Variants in GIGYF1 observed in about 807,000 individuals in gnomAD.
The protein encoded by GIGYF1 is GRB10 interacting GYF protein 1.
GIGYF1 carries 84 observed loss-of-function variants against 147.1 expected under a neutral mutation model. The observed-to-expected ratio is 0.57, with a 90% confidence interval of 0.48 to 0.68. The LOEUF is 0.68. Ranked by LOEUF, GIGYF1 falls within the 30% of genes least tolerant of loss-of-function variation. The probability of loss-of-function intolerance (pLI) is 0.00; values close to 1 mark genes in which losing one functional copy is unlikely to be tolerated. For missense variants in GIGYF1, 1,485 were observed against 1,393.7 expected (o/e 1.07, Z -1.04); for synonymous variants, 752 against 589.5 (o/e 1.28, Z -3.99).
At position 100,687,289 on chromosome 7, in the gene GIGYF1, C is replaced by T. The variant is rs542155842; in HGVS notation, c.482+9G>A. 104 of 1,610,576 alleles carry T rather than the reference C, an allele frequency of 6.5e-5. 1 individual carries two copies. In the Middle Eastern group the frequency reaches 1.2e-3, roughly 18 times the overall value. On this transcript the variant is annotated intron_variant, in intron 8 of 26. Transcript: ENST00000678049. ...CCCGGCTCTGCGCCATGCCCCCTCC[C>T]CGCCCCACCTGTCATCCCAGCTCTG...
At chr7:100,692,381 A>G (rs1260655798) in intron 1 of GIGYF1, among the ~76,000 whole-genome samples, 2 of 152,206 alleles carry the variant, frequency 1.3e-5, no homozygotes, top group East Asian at 1.9e-4. Flanking sequence ...CCAGCCAGGG[A>G]AAAGAAGGAG....
At chr7:100,682,547 T>C (rs778522623) in intron 23 of GIGYF1, 43 bp downstream of exon 23, 5 of 1,592,300 alleles carry the variant, frequency 3.1e-6, no homozygotes, top group Non-Finnish European at 8.5e-7. Context: ...TCTGCCACCT[T>C]CCCCCTCAGG....
chr7:100,682,168 G>A lies in GIGYF1; in HGVS notation c.2829C>T (p.Ser943=), dbSNP rs748682959. 1.2e-6 allele frequency: 2 copies of A among 1,613,962 alleles called. No homozygotes were observed. Among genetic ancestry groups the A allele is most frequent in the South Asian group, 1.1e-5 (1 of 91,090 alleles). The change falls in exon 25 of 27, where the codon TCC becomes TCT. Residue 943 remains serine, a synonymous_variant. Transcript: ENST00000678049. ...TGGCTTCCAGCGTGTCCCCCAGGCA[G>A]GAACGGATATAATCGTGGACATCAT... ...SPYDVHDYIR[S]CLGDTLEAKE...
rs1804979574 is a variant in GIGYF1 at position 100,683,334 on chromosome 7, C to T, written c.2163G>A (p.Gln721=). 6.2e-7 allele frequency: 1 copy of T among 1,613,862 alleles called. No individual in the cohort carries two copies. Among genetic ancestry groups the T allele is most frequent in the African/African-American group, 1.3e-5 (1 of 75,074 alleles). Residue 721 remains glutamine (Q), a synonymous_variant, in exon 21 of 27, where the codon CAG becomes CAA. Coordinates refer to ENST00000678049, the MANE Select transcript of GIGYF1 (RefSeq NM_001375765.1). ...QQQQEEQKRR[Q]EEEELFRRKH... is the part of the protein sequence containing the mutation. ...TGCGCCGAAACAGCTCTTCCTCCTC[C>T]TGCCGCCGCTTCTGCTCCTCCTGCT... is the stretch of plus-strand genomic sequence containing the variant.
At chr7:100,682,874 G>A in intron 22 of GIGYF1, 97 bp from the exon 23 acceptor site, 5 of 1,333,226 alleles carry the variant, frequency 3.8e-6, no homozygotes, top group South Asian at 1.5e-5. Flanking sequence ...CAGGTGAGGT[G>A]AGGGCCACAA....
rs1584495890 is a variant in GIGYF1 at position 100,684,461 on chromosome 7, G to A, written c.1618C>T (p.Pro540Ser). Residue 540 changes from proline to serine, a missense_variant, in exon 16 of 27, where the codon CCC becomes TCC. By Grantham distance (74) the Pro-to-Ser change is moderately conservative. Transcript: ENST00000678049. ...GAGAAGCGGCTCACCAGCAGTGGGGGAGGTGAGGGCCCTGGGGCAAAGGGC... is the reference window on the plus strand; with the variant it reads ...GAGAAGCGGCTCACCAGCAGTGGGGAAGGTGAGGGCCCTGGGGCAAAGGGC... ...RVPFAPGPSP[P>S]PLLGNMDQER... 2 of 1,612,824 alleles carry A rather than the reference G, an allele frequency of 1.2e-6. No homozygotes were observed. Among genetic ancestry groups the A allele is most frequent in the African/African-American group, 1.3e-5 (1 of 75,058 alleles).
Position 100,683,233 on chromosome 7 carries a change from AAG to A in GIGYF1, c.2194-5_2194-4del, listed in dbSNP as rs768006572. ...AGCAATAGCTCCTGCTGCCGCACCT[AAG>A]AGGGGGACATGGTGAGGGGACCTGG... On this transcript the variant is annotated splice_region_variant and splice_polypyrimidine_tract_variant and intron_variant, in intron 21 of 26. Coordinates refer to ENST00000678049, the MANE Select transcript of GIGYF1 (RefSeq NM_001375765.1). 6.8e-6 allele frequency: 11 copies of A among 1,612,544 alleles called. No homozygotes were observed. The highest frequency in any genetic ancestry group is 2.2e-5 in the South Asian group (2 of 91,086).
In GIGYF1 at chr7:100,686,811, C is replaced by T; in HGVS notation, c.532G>A (p.Gly178Ser). 1 of 1,613,920 alleles carries T rather than the reference C, an allele frequency of 6.2e-7. No individual in the cohort carries two copies. Among genetic ancestry groups the T allele is most frequent in the Non-Finnish European group, 8.5e-7 (1 of 1,179,938 alleles). The change falls in exon 10 of 27, where the codon GGC becomes AGC. Residue 178 changes from glycine (G) to serine (S), a missense_variant. By Grantham distance (56) the Gly-to-Ser change is moderately conservative. Transcript: ENST00000678049. ...KSARRDGARC[G>S]FEEGGAGPRK... ...GGGCCAGCCCCTCCCTCCTCAAAGC[C>T]ACATCGTGCTGGGAGACGGGAAGAC...
chr7:100,690,408 T>C (rs962261918), intron 1 of GIGYF1, among the ~76,000 whole-genome samples: 3 of 152,014 alleles, frequency 2.0e-5, no homozygotes, highest in African/African-American at 4.8e-5. Context: ...TGTGGGAGGC[T>C]TGAAGAGAGG....
rs367831417 is a variant in GIGYF1, at chr7:100,686,389, G to C, written c.739C>G (p.Arg247Gly). Reference sequence around the variant, plus strand: ...CGCAAATCAAATTCAAACTTGCGCCGCCGTTCCCCATGTTCCCGCCAGCCA... The same window carrying C: ...CGCAAATCAAATTCAAACTTGCGCCCCCGTTCCCCATGTTCCCGCCAGCCA... The part of the protein sequence containing the change: ...SAGWREHGER[R>G]RKFEFDLRGD... The change falls in exon 11 of 27, where the codon CGG (arginine) becomes GGG (glycine). Residue 247 changes from arginine (R) to glycine (G), a missense_variant. Transcript: ENST00000678049. 2.5e-6 allele frequency: 4 copies of C among 1,606,316 alleles called. No individual in the cohort carries two copies. The highest frequency in any genetic ancestry group is 2.5e-6 in the Non-Finnish European group (3 of 1,176,974).
chr7:100,694,186 T>A lies in GIGYF1; in HGVS notation c.-1175A>T, dbSNP rs2131412417. The stretch of plus-strand genomic sequence containing the variant: ...GGGGGCCGGGGACGGCGACGGCGGC[T>A]AGCAGCGGGGGAGGGGGCGCTGGCG... On this transcript the variant is annotated 5_prime_UTR_variant, in exon 1 of 27. Transcript: ENST00000678049. 7.2e-6 allele frequency: 1 copy of A among 139,634 alleles called. No homozygotes were observed. Among genetic ancestry groups the A allele is most frequent in the East Asian group, 2.3e-4 (1 of 4,340 alleles). 8.6% of individuals were successfully genotyped at this position (139,634 alleles called of 1,614,324 possible).
chr7:100,679,931 G>T lies in GIGYF1; in HGVS notation c.*1788C>A, dbSNP rs1402012226. On this transcript the variant is annotated 3_prime_UTR_variant, in exon 27 of 27. Transcript: ENST00000678049. ...CCCTGCATTGGCTGCGGCAGGGGTG[G>T]GGGGGTTACATTCAGTCACAACAGG... The T allele has an allele frequency of 6.6e-6, 1 of 152,442 alleles. No homozygotes were observed. Among genetic ancestry groups the T allele is most frequent in the Non-Finnish European group, 1.5e-5 (1 of 67,998 alleles). The allele number at this position is 152,442 out of a possible 1,614,324, so 9.4% of individuals were successfully genotyped here. A position where few individuals can be genotyped will look rare whatever the true frequency, so the allele number is the denominator to read the frequency against.
Position 100,683,555 on chromosome 7 carries a change from G to C in GIGYF1, c.2047C>G (p.His683Asp). The change falls in exon 20 of 27, where the codon CAT becomes GAT. Residue 683 changes from histidine (H) to aspartate (D), a missense_variant. His to Asp is a moderately conservative substitution (Grantham distance 81). Coordinates refer to ENST00000678049, the MANE Select transcript of GIGYF1 (RefSeq NM_001375765.1). ...GPILEQLQLQ[H>D]KFQERREVEL... ...GCCCCAGGATGCCCACTCACTTTAT[G>C]TTGCAGCTGGAGTTGTTCTAGAATT... 6.2e-7 allele frequency: 1 copy of C among 1,614,178 alleles called. No homozygotes were observed. The highest frequency in any genetic ancestry group is 8.5e-7 in the Non-Finnish European group (1 of 1,179,972).
Position 100,684,290 on chromosome 7 carries a change from C to T in GIGYF1, c.1677G>A (p.Ala559=), listed in dbSNP as rs764927864. 3.2e-5 allele frequency: 51 copies of T among 1,604,844 alleles called. No homozygotes were observed. The highest frequency in any genetic ancestry group is 1.5e-4 in the Admixed American group (9 of 58,678). The change falls in exon 17 of 27, where the codon GCG becomes GCA. Residue 559 remains alanine (A), a synonymous_variant. Transcript: ENST00000678049. ...ERLKKQQELA[A]AALYQQLQHQ... ...GCTGCAGCTGCTGGTACAAGGCCGC[C>T]GCGGCCAGCTCCTGTTGCTTCTTCA...
chr7:100,684,029 T>C lies in GIGYF1; in HGVS notation c.1859A>G (p.Lys620Arg). The C allele has an allele frequency of 6.3e-7, 1 of 1,598,822 alleles. No individual in the cohort carries two copies. Among genetic ancestry groups the C allele is most frequent in the Non-Finnish European group, 8.5e-7 (1 of 1,176,138 alleles). ...TAFLQQLQAL[K>R]PPRGGDQNLL... ...CGCACGCACCACGCACCTGGGGGGTTTGAGCGCCTGGAGCTGCTGCAGGAA... is the reference window on the plus strand; with the variant it reads ...CGCACGCACCACGCACCTGGGGGGTCTGAGCGCCTGGAGCTGCTGCAGGAA... The change falls in exon 18 of 27, where the codon AAA becomes AGA. Residue 620 changes from lysine to arginine, a missense_variant. Lys to Arg is a conservative substitution (Grantham distance 26). Coordinates refer to ENST00000678049, the MANE Select transcript of GIGYF1 (RefSeq NM_001375765.1).
chr7:100,687,747 C>T (rs1407395764), intron 6 of GIGYF1, 41 bp downstream of exon 6: 1 of 1,599,200 alleles, frequency 6.3e-7, no homozygotes, highest in African/African-American at 1.3e-5. Flanking sequence ...ATGGCCTCCC[C>T]TCCCAGGCTC....
Position 100,681,614 on chromosome 7 carries a change from TG to T in GIGYF1, c.*104del. On this transcript the variant is annotated 3_prime_UTR_variant, in exon 27 of 27. Coordinates refer to ENST00000678049, the MANE Select transcript of GIGYF1 (RefSeq NM_001375765.1). ...TAACAAGTGCTGGGGACCCCGCCCC[TG>T]CCTCTTCCTGTGCTCTCTGCGGGGA... The T allele has an allele frequency of 9.2e-7, 1 of 1,090,276 alleles. No individual in the cohort carries two copies. Among genetic ancestry groups the T allele is most frequent in the Non-Finnish European group, 1.3e-6 (1 of 784,072 alleles). The allele number at this position is 1,090,276 out of a possible 1,614,324, so 67.5% of individuals were successfully genotyped here.
At position 100,679,727 on chromosome 7, in the gene GIGYF1, G is replaced by C. The variant is rs767475345; in HGVS notation, c.*1992C>G. The C allele has an allele frequency of 6.5e-6, 1 of 152,736 alleles. No homozygotes were observed. Among genetic ancestry groups the C allele is most frequent in the Non-Finnish European group, 1.5e-5 (1 of 68,234 alleles). The allele number at this position is 152,736 out of a possible 1,614,324, so 9.5% of individuals were successfully genotyped here. On this transcript the variant is annotated 3_prime_UTR_variant, in exon 27 of 27. Transcript: ENST00000678049. The stretch of plus-strand genomic sequence containing the variant: ...GGGGAAGGACAGCAACAGGGTCTGA[G>C]TCCCTGGGCAGGGGGGCTCAGGGGC...
chr7:100,683,488 C>T (rs1804999663), intron 20 of GIGYF1, 44 bp from the exon 21 acceptor site: 2 of 1,613,774 alleles, frequency 1.2e-6, no homozygotes, highest in Non-Finnish European at 1.7e-6. Flanking sequence ...CAGGGGACAG[C>T]CTGGGGCCTG....
Sources: gnomAD v4.1 joint callset for allele counts (sites outside exome capture counted in the v4.1 genomes callset) on GRCh38, gnomAD v4.1.1 for gene constraint, MANE v1.5 for transcripts, NCBI Gene and HGNC (gene_info 2026-07-23, HGNC 2026-07-21) for gene names.